SMC2: variants seen among roughly 807,000 people sequenced by gnomAD.
SMC2 encodes structural maintenance of chromosomes 2, also known as structural maintenance of chromosomes protein 2.
Under a neutral mutation model 142.6 loss-of-function variants are expected in SMC2, and 41 were observed. The ratio of observed to expected loss-of-function variants is 0.29; its 90% CI spans 0.22 to 0.37. The LOEUF (loss-of-function observed/expected upper bound fraction) is 0.37, where lower values mean the gene tolerates loss of function less well. Among genes scored for constraint, SMC2 ranks in the 10% least tolerant of loss-of-function variants. The probability of loss-of-function intolerance (pLI) is 1.00; values close to 1 mark genes in which losing one functional copy is unlikely to be tolerated. For missense variants in SMC2, 1,265 were observed against 1,373.7 expected, an observed-to-expected ratio of 0.92 and a Z score of 1.25; for synonymous variants, 463 against 457.5, an observed-to-expected ratio of 1.01 and a Z score of -0.15.
At chr9:104,092,504 A>G (rs1564055356), upstream of SMC2, 2 of 152,250 alleles carry the variant, frequency 1.3e-5, no homozygotes, top group African/African-American at 4.8e-5. Flanking sequence ...AAAAGGAAGG[A>G]GACACAGCTC....
chr9:104,135,351 T>TG (rs1835417111), intron 23 of SMC2, among the ~76,000 whole-genome samples: 1 of 152,072 alleles, frequency 6.6e-6, no homozygotes, highest in South Asian at 2.1e-4. Context: ...GATGAGATAC[T>TG]GTAAAAGAAA....
At chr9:104,119,929 T>A in intron 15 of SMC2, 98 bp from the exon 16 acceptor site, 1 of 1,124,274 alleles carries the variant, frequency 8.9e-7, no homozygotes, top group East Asian at 2.4e-5. Context: ...ATATTTACTA[T>A]TGAATCAATT....
At chr9:104,116,119 A>G (rs1373168360) in intron 13 of SMC2, 81 bp from the exon 14 acceptor site, 1 of 1,250,072 alleles carries the variant, frequency 8.0e-7, no homozygotes, top group African/African-American at 1.5e-5. Flanking sequence ...ACATTCATTT[A>G]TTATAGACTA....
chr9:104,119,578 A>G (rs974981050), intron 15 of SMC2, among the ~76,000 whole-genome samples: 3 of 152,142 alleles, frequency 2.0e-5, no homozygotes, highest in Non-Finnish European at 2.9e-5. Flanking sequence ...GCTCAGTGCT[A>G]TTCTCATTCT....
intron 18 of SMC2, among the ~76,000 whole-genome samples, 163 bp from the exon 19 acceptor site, chr9:104,126,478 C>CTTTTT (rs10674647): frequency 0.056 from 8,542 of 151,858 alleles, 640 homozygotes; most frequent in African/African-American, 0.18. Flanking sequence ...AATAAACTTC[C>CTTTTT]TTTTCTGGGG....
At chr9:104,099,704 A>C (rs750983641) in intron 5 of SMC2, 22 bp downstream of exon 5, 30 of 1,415,048 alleles carry the variant, frequency 2.1e-5, no homozygotes, top group South Asian at 1.3e-4. Flanking sequence ...ATTTATGGAC[A>C]TTAAAAATAG....
intron 16 of SMC2, among the ~76,000 whole-genome samples, chr9:104,121,861 A>G (rs984417305): frequency 8.6e-5 from 13 of 151,940 alleles, no homozygotes; most frequent in African/African-American, 2.7e-4. Context: ...GCTCACTGCA[A>G]CCTCTGCCTC....
intron 22 of SMC2, among the ~76,000 whole-genome samples, chr9:104,132,748 T>G (rs1835121669): frequency 6.6e-6 from 1 of 152,122 alleles, no homozygotes; most frequent in Non-Finnish European, 1.5e-5. Context: ...CAGTGCTCCA[T>G]TCCCTGTAAT....
At position 104,118,188 on chromosome 9, in the gene SMC2, T is replaced by A; in HGVS notation, c.1809T>A (p.Val603=). ...VAQNLVGPDN[V]HVALSLVEYK... ...TCCCACAGGTTGGCCCTGACAACGT[T>A]CATGTGGCTCTTTCCTTGGTTGAAT... The change falls in exon 15 of 25, where the codon GTT becomes GTA. Residue 603 remains valine, a synonymous_variant. Transcript: ENST00000374793. The A allele has an allele frequency of 6.2e-7, 1 of 1,613,832 alleles. No individual in the cohort carries two copies. The highest frequency in any genetic ancestry group is 8.5e-7 in the Non-Finnish European group (1 of 1,179,758).
chr9:104,135,624 C>T (rs891843392), intron 23 of SMC2, among the ~76,000 whole-genome samples: 2 of 151,998 alleles, frequency 1.3e-5, no homozygotes, highest in African/African-American at 2.4e-5. Flanking sequence ...TACAAAATAA[C>T]AAAGCAAAAG....
At chr9:104,102,632 T>A (rs1831294685) in intron 9 of SMC2, 59 bp downstream of exon 9, 7 of 1,480,610 alleles carry the variant, frequency 4.7e-6, no homozygotes, top group Non-Finnish European at 6.4e-6. Flanking sequence ...GTCTCATTAG[T>A]GTACATTTAT....
upstream of SMC2, among the ~76,000 whole-genome samples, chr9:104,094,004 C>G (rs1427622820): frequency 2.0e-5 from 3 of 152,198 alleles, no homozygotes; most frequent in Non-Finnish European, 1.5e-5. Context: ...TGCAGTGTGC[C>G]TAACGCGAAC....
At chr9:104,113,279 CAT>C in intron 10 of SMC2, 35 bp from the exon 11 acceptor site, 2 of 1,544,790 alleles carry the variant, frequency 1.3e-6, no homozygotes, top group Non-Finnish European at 1.7e-6. Flanking sequence ...CTGTCTGCCT[CAT>C]ACATCCTATG....
intron 7 of SMC2, 62 bp from the exon 8 acceptor site, chr9:104,101,898 A>G (rs1299374534): frequency 9.8e-6 from 10 of 1,020,180 alleles, no homozygotes; most frequent in South Asian, 1.5e-5. Context: ...TTCATCTTGC[A>G]TAATTGAATT....
Position 104,120,145 on chromosome 9 carries a change from TAAA to T in SMC2, c.2118_2120del (p.Lys706del), listed in dbSNP as rs535664871. On this transcript the variant is annotated inframe_deletion, in exon 16 of 25. Coordinates refer to ENST00000374793, the MANE Select transcript of SMC2 (RefSeq NM_006444.3). ...CTCTAGAAGAGGAATTAGCAGGTCT[TAAA>T]AACACTGCTGAAAAGTAAGAACTGC... 6.6e-5 allele frequency: 106 copies of T among 1,610,526 alleles called. No homozygotes were observed. The highest frequency in any genetic ancestry group is 5.0e-4 in the Middle Eastern group (3 of 6,050).
chr9:104,129,687 A>G lies in SMC2; in HGVS notation c.2833A>G (p.Arg945Gly), dbSNP rs1834726767. 6.2e-7 allele frequency: 1 copy of G among 1,614,004 alleles called. No individual in the cohort carries two copies. The highest frequency in any genetic ancestry group is 8.5e-7 in the Non-Finnish European group (1 of 1,179,928). The change falls in exon 21 of 25, where the codon AGA becomes GGA. Residue 945 changes from arginine to glycine, a missense_variant. Physicochemically the swap from Arg to Gly is moderately radical, Grantham distance 125 (BLOSUM62 -2). Transcript: ENST00000374793. ...AGATTATGACTGGATTAATGCAGAG[A>G]GACACCTCTTTGGCCAACCCAATAG... ...LKDYDWINAE[R>G]HLFGQPNSAY...
At chr9:104,101,629 T>C (rs1831133456) in intron 7 of SMC2, among the ~76,000 whole-genome samples, 1 of 152,168 alleles carries the variant, frequency 6.6e-6, no homozygotes, top group Admixed American at 6.5e-5. Flanking sequence ...AGAGTAGGCA[T>C]CTTGATACTA....
intron 17 of SMC2, 91 bp downstream of exon 17, chr9:104,123,323 G>GAT (rs1587971260): frequency 5.5e-6 from 7 of 1,281,684 alleles, no homozygotes; most frequent in Non-Finnish European, 7.4e-6. Context: ...CTATGTTTAA[G>GAT]ATATATATGA....
chr9:104,120,007 T>C lies in SMC2; in HGVS notation c.1997-20T>C. 1 of 1,612,920 alleles carries C rather than the reference T, an allele frequency of 6.2e-7. No individual in the cohort carries two copies. The highest frequency in any genetic ancestry group is 8.5e-7 in the Non-Finnish European group (1 of 1,179,442). ...ACCTGGTAACAATGTGGAAGACCTGTTTCAATTTGCCTCTATCAGGTGCTC... is the reference window on the plus strand; with the variant it reads ...ACCTGGTAACAATGTGGAAGACCTGCTTCAATTTGCCTCTATCAGGTGCTC... On this transcript the variant is annotated intron_variant, in intron 15 of 24. Coordinates refer to ENST00000374793, the MANE Select transcript of SMC2 (RefSeq NM_006444.3).
Sources: allele counts gnomAD v4.1 joint callset (sites outside exome capture counted in the v4.1 genomes callset), GRCh38; gene constraint gnomAD v4.1.1; transcripts MANE v1.5; gene names NCBI Gene and HGNC (gene_info 2026-07-23, HGNC 2026-07-21).